POM121C: variants seen among roughly 807,000 people sequenced by gnomAD.
POM121C encodes the protein POM121 transmembrane nucleoporin C, also known as nuclear envelope pore membrane protein POM 121C.
Under a neutral mutation model 66.4 loss-of-function variants are expected in POM121C, and 20 were observed. The ratio of observed to expected loss-of-function variants is 0.30; its 90% CI spans 0.21 to 0.44. The LOEUF (loss-of-function observed/expected upper bound fraction) is 0.44. Among genes scored for constraint, POM121C ranks in the 20% least tolerant of loss-of-function variants. POM121C has a pLI of 1.00. For synonymous variants in POM121C, 286 were observed against 528.0 expected (o/e 0.54, Z 6.28); for missense variants, 580 against 1,225.7 (o/e 0.47, Z 7.87).
At chr7:75,447,687 G>A (rs1194547184) in intron 3 of POM121C, among the ~76,000 whole-genome samples, 19 of 151,698 alleles carry the variant, frequency 1.3e-4, no homozygotes, top group African/African-American at 4.6e-4. Flanking sequence ...CAGAGTTCGA[G>A]AACAGCCTGG....
chr7:75,454,956 C>T (rs1218778824), intron 3 of POM121C, among the ~76,000 whole-genome samples: 2 of 152,210 alleles, frequency 1.3e-5, no homozygotes, highest in African/African-American at 2.4e-5. Context: ...TGAATGGTCT[C>T]GAGCTGCTGG....
chr7:75,425,412 C>T (rs1789903912), intron 9 of POM121C: 2 of 1,121,604 alleles, frequency 1.8e-6, no homozygotes, highest in Non-Finnish European at 1.3e-6. Context: ...CCACAGGTGA[C>T]TCAAACTGAG....
intron 7 of POM121C, among the ~76,000 whole-genome samples, chr7:75,434,177 G>A (rs1554472738): frequency 6.6e-6 from 1 of 152,144 alleles, no homozygotes; most frequent in African/African-American, 2.4e-5. Context: ...AGAAAAATGG[G>A]TAAAGGATAT....
At chr7:75,434,142 C>A (rs1221333979) in intron 7 of POM121C, among the ~76,000 whole-genome samples, 2 of 152,164 alleles carry the variant, frequency 1.3e-5, no homozygotes, top group African/African-American at 4.8e-5. Context: ...AACTCTTGAA[C>A]GTGAGATTTG....
At chr7:75,468,882 T>G (rs187844852) in intron 3 of POM121C, among the ~76,000 whole-genome samples, 89 of 152,244 alleles carry the variant, frequency 5.8e-4, no homozygotes, top group Admixed American at 2.6e-4. Context: ...ACATTAAAAA[T>G]TGTTTTCAAA....
chr7:75,461,077 T>C (rs1468652012), intron 3 of POM121C, among the ~76,000 whole-genome samples: 1 of 151,958 alleles, frequency 6.6e-6, no homozygotes, highest in African/African-American at 2.4e-5. Context: ...CAAAAATAGT[T>C]TGGAAAAGTA....
intron 3 of POM121C, among the ~76,000 whole-genome samples, chr7:75,459,599 C>CAAAAAAA (rs1211791667): frequency 4.6e-5 from 2 of 43,816 alleles, no homozygotes; most frequent in Non-Finnish European, 3.7e-5. Context: ...GACTCTGTCT[C>CAAAAAAA]AAAAAAAAAA....
chr7:75,428,305 A>C (rs1186874063), intron 7 of POM121C, among the ~76,000 whole-genome samples: 7 of 152,130 alleles, frequency 4.6e-5, no homozygotes, highest in African/African-American at 1.7e-4. Context: ...ACAGCCGGCT[A>C]ATTTTTGTAT....
intron 3 of POM121C, among the ~76,000 whole-genome samples, chr7:75,444,445 G>T (rs1224432474): frequency 6.7e-6 from 1 of 149,836 alleles, no homozygotes; most frequent in Non-Finnish European, 1.5e-5. Context: ...ATAGTGTCTA[G>T]GTCAGTAGGG....
intron 5 of POM121C, among the ~76,000 whole-genome samples, chr7:75,439,603 C>T (rs1439145495): frequency 6.6e-6 from 1 of 152,186 alleles, no homozygotes; most frequent in Admixed American, 6.5e-5. Flanking sequence ...CCAGGCTGGT[C>T]TTGAGCTCCT....
chr7:75,465,346 C>G (rs1791590384), intron 3 of POM121C, among the ~76,000 whole-genome samples: 1 of 149,214 alleles, frequency 6.7e-6, no homozygotes. Context: ...TGGCTCATGC[C>G]TATAATCCCA....
At chr7:75,420,515 A>G (rs236659) in intron 13 of POM121C, 2,005 of 151,758 alleles carry the variant, frequency 0.013, 24 homozygotes, top group Non-Finnish European at 0.016. Context: ...CACAATCACA[A>G]TTTTCCAGCC....
At chr7:75,463,975 G>T (rs1183171335) in intron 3 of POM121C, among the ~76,000 whole-genome samples, 1 of 148,840 alleles carries the variant, frequency 6.7e-6, no homozygotes, top group Non-Finnish European at 1.5e-5. Context: ...TTACAGGCGT[G>T]AGGCACCACG....
Position 75,460,263 on chromosome 7 carries a change from G to A in POM121C, c.-152+14441C>T, listed in dbSNP as rs149813248. 1.9e-3 allele frequency among the ~76,000 whole-genome samples: 273 copies of A among 145,724 alleles called. 4 individuals carry two copies. The East Asian group carries it at 0.043, about 23-fold the overall frequency. Reference sequence around the variant, plus strand: ...TCCCAGCACATTAGGGGGCCGAGGCGGAGGGAATCACTTGAGCTCAGGAGT... The same window carrying A: ...TCCCAGCACATTAGGGGGCCGAGGCAGAGGGAATCACTTGAGCTCAGGAGT... On this transcript the variant is annotated intron_variant, in intron 3 of 14. Transcript: ENST00000615331.
intron 7 of POM121C, among the ~76,000 whole-genome samples, chr7:75,433,052 G>T (rs1448173023): frequency 6.6e-6 from 1 of 151,840 alleles, no homozygotes; most frequent in Admixed American, 6.6e-5. Context: ...TGGCCAACAT[G>T]ATGAAACCCT....
At chr7:75,467,377 A>C (rs1219271776) in intron 3 of POM121C, among the ~76,000 whole-genome samples, 1 of 151,904 alleles carries the variant, frequency 6.6e-6, no homozygotes, top group Non-Finnish European at 1.5e-5. Context: ...TAAAAATACA[A>C]AAAAATTAGC....
intron 7 of POM121C, among the ~76,000 whole-genome samples, chr7:75,436,050 C>CA (rs34343428): frequency 0.52 from 70,788 of 135,724 alleles, 17,630 homozygotes; most frequent in East Asian, 0.86. Flanking sequence ...GACTCCGTCT[C>CA]AAAAAAAAAA....
At chr7:75,421,185 AG>A (rs1345801555) in intron 13 of POM121C, 2 of 586,614 alleles carry the variant, frequency 3.4e-6, no homozygotes, top group African/African-American at 3.9e-5. Context: ...CAAGTTGCCC[AG>A]GCTGGTCTTG....
intron 3 of POM121C, chr7:75,442,934 C>A (rs1790718794): frequency 1.4e-5 from 9 of 658,200 alleles, no homozygotes; most frequent in Non-Finnish European, 1.7e-5. Context: ...CGAGACGATC[C>A]CGTCCGGGAT....
Sources: gnomAD v4.1 joint callset for allele counts (sites outside exome capture counted in the v4.1 genomes callset) on GRCh38, gnomAD v4.1.1 for gene constraint, MANE v1.5 for transcripts, NCBI Gene and HGNC (gene_info 2026-07-23, HGNC 2026-07-21) for gene names.